Variants in PEX14 observed in about 807,000 individuals in gnomAD.
The protein encoded by PEX14 is peroxisomal membrane protein PEX14.
PEX14 carries 15 observed loss-of-function variants against 49.5 expected under a neutral mutation model. The ratio of observed to expected loss-of-function variants is 0.30; its 90% confidence interval spans 0.20 to 0.47. The LOEUF is 0.47. Ranked by LOEUF, PEX14 falls within the 20% of genes least tolerant of loss-of-function variation. PEX14 has a pLI of 1.00. For synonymous variants in PEX14, 210 were observed against 212.7 expected (o/e 0.99, Z 0.11); for missense variants, 398 against 494.8 (o/e 0.80, Z 1.86).
intron 5 of PEX14, among the ~76,000 whole-genome samples, chr1:10,621,004 C>G (rs967177438): frequency 6.6e-6 from 1 of 152,194 alleles, no homozygotes; most frequent in Non-Finnish European, 1.5e-5. Context: ...GGGCCTGTGG[C>G]CTGACGGGAG....
intron 4 of PEX14, among the ~76,000 whole-genome samples, chr1:10,617,544 C>G (rs913279619): frequency 2.6e-5 from 4 of 152,150 alleles, no homozygotes; most frequent in African/African-American, 9.7e-5. Flanking sequence ...GCACCCTGCT[C>G]TTGGGGTCCT....
At chr1:10,532,874 AAAGTGCCCAAC>A (rs1368210494) in intron 2 of PEX14, among the ~76,000 whole-genome samples, 1 of 152,204 alleles carries the variant, frequency 6.6e-6, no homozygotes, top group Non-Finnish European at 1.5e-5. Flanking sequence ...AAATTAATGA[AAAGTGCCCAAC>A]AATAGGTGGG....
At chr1:10,544,329 A>G (rs539614620) in intron 3 of PEX14, among the ~76,000 whole-genome samples, 13 of 152,344 alleles carry the variant, frequency 8.5e-5, no homozygotes, top group African/African-American at 3.1e-4. Flanking sequence ...TTGAGCTAAT[A>G]CATGGCAGAA....
intron 3 of PEX14, among the ~76,000 whole-genome samples, chr1:10,568,367 G>A (rs770128840): frequency 1.9e-4 from 26 of 134,850 alleles, no homozygotes; most frequent in Non-Finnish European, 3.2e-4. Context: ...TCATATTCAG[G>A]AAGTATTCTT....
intron 5 of PEX14, among the ~76,000 whole-genome samples, chr1:10,622,242 G>C (rs1051836266): frequency 6.6e-6 from 1 of 152,164 alleles, no homozygotes; most frequent in Non-Finnish European, 1.5e-5. Context: ...GTGAGGGGTG[G>C]CCCTGCCGCA....
chr1:10,626,939 G>T (rs1641765225), intron 7 of PEX14, among the ~76,000 whole-genome samples: 1 of 152,122 alleles, frequency 6.6e-6, no homozygotes, highest in African/African-American at 2.4e-5. Context: ...TTCCACCCCG[G>T]ACCATCTTAA....
chr1:10,544,898 G>A (rs527512055), intron 3 of PEX14, among the ~76,000 whole-genome samples: 48 of 152,134 alleles, frequency 3.2e-4, no homozygotes, highest in Admixed American at 1.6e-3. Flanking sequence ...AGGTAGCTGG[G>A]CCACAGGCAC....
chr1:10,561,197 T>C (rs1467533344), intron 3 of PEX14, among the ~76,000 whole-genome samples: 2 of 152,158 alleles, frequency 1.3e-5, no homozygotes, highest in Non-Finnish European at 2.9e-5. Flanking sequence ...TGTTACCACA[T>C]AGAAGAAAAT....
intron 4 of PEX14, among the ~76,000 whole-genome samples, chr1:10,612,096 A>ATTTCTTATAGAAGTTTTATAGTTTTTGC (rs1641291507): frequency 6.6e-6 from 1 of 152,024 alleles, no homozygotes; most frequent in Admixed American, 6.6e-5. Flanking sequence ...ATGTTTTCTG[A>ATTTCTTATAGAAGTTTTATAGTTTTTGC]TTTCTTATAG....
chr1:10,624,034 A>G (rs1641671060), intron 6 of PEX14, among the ~76,000 whole-genome samples: 1 of 152,228 alleles, frequency 6.6e-6, no homozygotes, highest in Non-Finnish European at 1.5e-5. Flanking sequence ...CGCAGGCGCC[A>G]GAGAAGCCGG....
intron 3 of PEX14, among the ~76,000 whole-genome samples, chr1:10,575,589 A>C (rs1640096945): frequency 1.3e-5 from 2 of 152,146 alleles, no homozygotes; most frequent in African/African-American, 4.8e-5. Flanking sequence ...AGAAGCCCTG[A>C]AAAAAAATTT....
chr1:10,583,017 A>G (rs1029858676), intron 3 of PEX14, among the ~76,000 whole-genome samples: 5 of 151,872 alleles, frequency 3.3e-5, no homozygotes, highest in Non-Finnish European at 5.9e-5. Flanking sequence ...GATTACAGCC[A>G]TGAGCCACCA....
chr1:10,499,172 A>G (rs1424817706), intron 2 of PEX14, among the ~76,000 whole-genome samples: 1 of 152,246 alleles, frequency 6.6e-6, no homozygotes, highest in East Asian at 1.9e-4. Context: ...TATTTGAAGT[A>G]AGCAGTAAAT....
chr1:10,557,965 A>G (rs1639542958), intron 3 of PEX14, among the ~76,000 whole-genome samples: 1 of 151,848 alleles, frequency 6.6e-6, no homozygotes, highest in African/African-American at 2.4e-5. Flanking sequence ...TTATAGAACG[A>G]TTTATTTCTT....
At chr1:10,582,030 G>A (rs895079034) in intron 3 of PEX14, among the ~76,000 whole-genome samples, 5 of 151,430 alleles carry the variant, frequency 3.3e-5, no homozygotes, top group Non-Finnish European at 5.9e-5. Flanking sequence ...AAATTTTATA[G>A]GTATATGGTC....
chr1:10,586,393 C>A (rs1205338278), intron 3 of PEX14, among the ~76,000 whole-genome samples: 1 of 152,114 alleles, frequency 6.6e-6, no homozygotes, highest in African/African-American at 2.4e-5. Flanking sequence ...CCATTTTGGA[C>A]ATTGTTGGCA....
chr1:10,491,706 A>T (rs657244), intron 1 of PEX14, among the ~76,000 whole-genome samples: 1,443 of 128,916 alleles, frequency 0.011, 25 homozygotes, highest in African/African-American at 0.037. Context: ...TTGGAGACAG[A>T]GTCTCACTCT....
At chr1:10,533,062 C>T (rs1375815329) in intron 2 of PEX14, among the ~76,000 whole-genome samples, 3 of 151,894 alleles carry the variant, frequency 2.0e-5, no homozygotes, top group Non-Finnish European at 4.4e-5. Context: ...CAGTTCCTTG[C>T]GGGGAGGGAG....
At chr1:10,553,233 C>T (rs1378281035) in intron 3 of PEX14, among the ~76,000 whole-genome samples, 1 of 152,080 alleles carries the variant, frequency 6.6e-6, no homozygotes, top group Non-Finnish European at 1.5e-5. Flanking sequence ...GAATTGGTGG[C>T]TGAATGGATG....
Sources: allele counts gnomAD v4.1 joint callset (sites outside exome capture counted in the v4.1 genomes callset), GRCh38; gene constraint gnomAD v4.1.1; transcripts MANE v1.5; gene names NCBI Gene and HGNC (gene_info 2026-07-23, HGNC 2026-07-21).